The following BICC1 variants were observed in gnomAD, a reference collection of about 807,000 sequenced individuals.
BICC1 encodes the protein BicC family RNA binding protein 1.
BICC1 carries 43 observed loss-of-function variants against 111.0 expected under a neutral mutation model. The observed-to-expected ratio is 0.39, with a 90% CI of 0.30 to 0.50. The LOEUF (loss-of-function observed/expected upper bound fraction) is 0.50, where lower values mean the gene tolerates loss of function less well. Ranked by LOEUF, BICC1 falls within the 20% of genes least tolerant of loss-of-function variation. The pLI is 0.88. For synonymous variants in BICC1, 467 were observed against 434.4 expected (o/e 1.07, Z -0.93); for missense variants, 1,091 against 1,203.2 (o/e 0.91, Z 1.38).
intron 3 of BICC1, among the ~76,000 whole-genome samples, chr10:58,753,841 G>A (rs1246972400): frequency 6.6e-6 from 1 of 151,482 alleles, no homozygotes; most frequent in Non-Finnish European, 1.5e-5. Context: ...GCCTTGCCTT[G>A]CCATTTTTCC....
intron 18 of BICC1, chr10:58,814,332 G>A (rs1054209376): frequency 1.0e-5 from 6 of 572,850 alleles, no homozygotes; most frequent in Non-Finnish European, 1.9e-5. Flanking sequence ...CAAGTATTCT[G>A]TTATGCTCTG....
At chr10:58,560,277 T>C (rs1843567687) in intron 1 of BICC1, among the ~76,000 whole-genome samples, 2 of 152,112 alleles carry the variant, frequency 1.3e-5, no homozygotes, top group African/African-American at 4.8e-5. Flanking sequence ...TATTTCTTCC[T>C]GGTTCAATCT....
intron 20 of BICC1, among the ~76,000 whole-genome samples, chr10:58,822,152 AC>A (rs1220378426): frequency 6.6e-6 from 1 of 152,144 alleles, no homozygotes. Flanking sequence ...TTATGCATTC[AC>A]CATACCTGTA....
chr10:58,513,006 T>TGGCGGTGGCGTC lies in BICC1; in HGVS notation c.-132_-121dup. 4.0e-6 allele frequency: 2 copies of TGGCGGTGGCGTC among 501,798 alleles called. No homozygotes were observed. Among genetic ancestry groups the TGGCGGTGGCGTC allele is most frequent in the Non-Finnish European group, 5.6e-6 (2 of 360,292 alleles). The allele number at this position is 501,798 out of a possible 1,614,324, so 31.1% of individuals were successfully genotyped here. A position where few individuals can be genotyped will look rare whatever the true frequency, so the allele number is the denominator to read the frequency against. ...GGGGGCTCAGTGGCGGCGGCGGCGT[T>TGGCGGTGGCGTC]GGCGGTGGCGTCGGCGGCTGCAGGG... On this transcript the variant is annotated 5_prime_UTR_variant, in exon 1 of 21. Coordinates refer to ENST00000373886, the MANE Select transcript of BICC1 (RefSeq NM_001080512.3).
intron 1 of BICC1, among the ~76,000 whole-genome samples, chr10:58,526,205 A>G (rs915212903): frequency 8.0e-5 from 12 of 150,674 alleles, no homozygotes; most frequent in Non-Finnish European, 1.6e-4. Context: ...TTTACAGAGA[A>G]AAAAAAAAGC....
At chr10:58,780,351 G>T (rs1842851736) in intron 3 of BICC1, among the ~76,000 whole-genome samples, 1 of 152,136 alleles carries the variant, frequency 6.6e-6, no homozygotes, top group Non-Finnish European at 1.5e-5. Context: ...TGGGAGGCGG[G>T]GAGGTAGTCA....
At chr10:58,639,397 ATT>A (rs5785335) in intron 2 of BICC1, among the ~76,000 whole-genome samples, 3 of 138,558 alleles carry the variant, frequency 2.2e-5, no homozygotes, top group Non-Finnish European at 1.5e-5. Flanking sequence ...TGCCATTTAA[ATT>A]TTTTTTTTTT....
intron 3 of BICC1, among the ~76,000 whole-genome samples, chr10:58,747,958 C>T (rs895362045): frequency 6.6e-6 from 1 of 152,074 alleles, no homozygotes; most frequent in African/African-American, 2.4e-5. Flanking sequence ...TAGCTAAAGC[C>T]AAGTCCAAAT....
chr10:58,600,879 T>C lies in BICC1; in HGVS notation c.191-19976T>C, dbSNP rs576663912. Among the ~76,000 whole-genome samples the C allele has an allele frequency of 2.6e-5, 4 of 152,074 alleles. No homozygotes were observed. The East Asian group carries it at 7.7e-4, about 29-fold the overall frequency. ...ACATAGAAAATATGTTTTAATCAGC[T>C]GTTTATGCTATCTGTAAGGCTTCCA... On this transcript the variant is annotated intron_variant, in intron 1 of 20. Coordinates refer to ENST00000373886, the MANE Select transcript of BICC1 (RefSeq NM_001080512.3).
Position 58,786,933 on chromosome 10 carries a change from T to G in BICC1, c.398T>G (p.Val133Gly). Residue 133 changes from valine (V) to glycine (G), a missense_variant, in exon 5 of 21, where the codon GTC (valine) becomes GGC (glycine). By Grantham distance (109) the Val-to-Gly change is moderately radical. Coordinates refer to ENST00000373886, the MANE Select transcript of BICC1 (RefSeq NM_001080512.3). ...MSVLDTKSNR[V>G]TLKMDVSHTE... ...ATTATTTTCACATAGAGCAATCGAGTCACACTGAAGATGGATGTTTCACAT... is the reference window on the plus strand; with the variant it reads ...ATTATTTTCACATAGAGCAATCGAGGCACACTGAAGATGGATGTTTCACAT... 1.9e-6 allele frequency: 3 copies of G among 1,582,684 alleles called. No homozygotes were observed. The highest frequency in any genetic ancestry group is 2.6e-6 in the Non-Finnish European group (3 of 1,169,396).
chr10:58,635,179 A>G (rs1268484906), intron 2 of BICC1, among the ~76,000 whole-genome samples: 4 of 152,248 alleles, frequency 2.6e-5, no homozygotes, highest in South Asian at 2.1e-4. Context: ...GTTCTGCACT[A>G]TCTTAATAAA....
chr10:58,794,250 C>T lies in BICC1; in HGVS notation c.1179+635C>T, dbSNP rs182221675. ...ATTCAGAAATTGTTTAGACTACTTA[C>T]TATATGCCATCTCCTGCGCAAGCTG... is the stretch of plus-strand genomic sequence containing the variant. On this transcript the variant is annotated intron_variant, in intron 9 of 20. Transcript: ENST00000373886. Among the ~76,000 whole-genome samples the T allele has an allele frequency of 5.4e-5, 8 of 149,240 alleles. No homozygotes were observed. The East Asian group carries it at 1.6e-3, about 30-fold the overall frequency.
intron 1 of BICC1, among the ~76,000 whole-genome samples, chr10:58,546,388 T>C (rs1843137749): frequency 6.6e-6 from 1 of 152,202 alleles, no homozygotes; most frequent in African/African-American, 2.4e-5. Context: ...GGCCAAATCT[T>C]CCTGTTTTTC....
chr10:58,626,090 C>T (rs536339249), intron 2 of BICC1, among the ~76,000 whole-genome samples: 239 of 152,236 alleles, frequency 1.6e-3, no homozygotes, highest in African/African-American at 5.3e-3. Context: ...AGGTAATACA[C>T]GTACATGGCT....
At chr10:58,780,686 G>C (rs1354341205) in intron 3 of BICC1, among the ~76,000 whole-genome samples, 1 of 152,174 alleles carries the variant, frequency 6.6e-6, no homozygotes, top group African/African-American at 2.4e-5. Flanking sequence ...GTTTCCAGGG[G>C]TGGGAATGTT....
intron 3 of BICC1, among the ~76,000 whole-genome samples, chr10:58,755,667 A>AT (rs974605507): frequency 6.0e-5 from 9 of 150,530 alleles, no homozygotes; most frequent in South Asian, 2.1e-4. Context: ...CCTGTCTTGT[A>AT]TTTTTTTTTC....
chr10:58,806,490 G>A (rs1843712030), intron 15 of BICC1, 94 bp from the exon 16 acceptor site: 2 of 1,106,464 alleles, frequency 1.8e-6, no homozygotes, highest in African/African-American at 1.6e-5. Context: ...GCAGATTCAT[G>A]GAACACAGTC....
chr10:58,588,578 T>C (rs1457447714), intron 1 of BICC1, among the ~76,000 whole-genome samples: 5 of 152,150 alleles, frequency 3.3e-5, no homozygotes, highest in Non-Finnish European at 7.3e-5. Context: ...ATTTCTTGTA[T>C]TGGAGGCTCT....
chr10:58,559,630 T>C (rs1843549285), intron 1 of BICC1, among the ~76,000 whole-genome samples: 2 of 152,134 alleles, frequency 1.3e-5, no homozygotes, highest in Admixed American at 1.3e-4. Context: ...CTATGTTGAA[T>C]GTGAGTGGTA....
Sources: gnomAD v4.1 joint callset for allele counts (sites outside exome capture counted in the v4.1 genomes callset) on GRCh38, gnomAD v4.1.1 for gene constraint, MANE v1.5 for transcripts, NCBI Gene and HGNC (gene_info 2026-07-23, HGNC 2026-07-21) for gene names.